DOK5: variants seen among roughly 807,000 people sequenced by gnomAD.
DOK5 encodes the protein downstream of tyrosine kinase 5.
Under a neutral mutation model 43.3 loss-of-function variants are expected in DOK5, and 27 were observed. The observed-to-expected ratio is 0.62, with a 90% CI of 0.46 to 0.86. DOK5 has a LOEUF of 0.86. Ranked by LOEUF, DOK5 falls within the 40% of genes least tolerant of loss-of-function variation. The pLI, the probability that DOK5 is intolerant of heterozygous loss-of-function variation, is 0.00. For synonymous variants in DOK5, 146 were observed against 140.1 expected (o/e 1.04, Z -0.30); for missense variants, 373 against 392.9 (o/e 0.95, Z 0.43).
chr20:54,643,216 T>A (rs1979208374), intron 6 of DOK5, among the ~76,000 whole-genome samples: 1 of 152,064 alleles, frequency 6.6e-6, no homozygotes, highest in Non-Finnish European at 1.5e-5. Flanking sequence ...TTAGCTGGGT[T>A]GGAGGGAAGT....
At chr20:54,649,962 CTGTT>C (rs534475574) in intron 7 of DOK5, among the ~76,000 whole-genome samples, 2 of 152,324 alleles carry the variant, frequency 1.3e-5, no homozygotes, top group East Asian at 3.9e-4. Context: ...TTTTTAAACT[CTGTT>C]TGGTCTGAAA....
chr20:54,478,657 T>G (rs895961042), intron 1 of DOK5, among the ~76,000 whole-genome samples: 3 of 152,212 alleles, frequency 2.0e-5, no homozygotes, highest in African/African-American at 4.8e-5. Context: ...TTCTTCAGAT[T>G]TGGAGAAAGA....
At chr20:54,511,201 G>A (rs1462902270) in intron 1 of DOK5, among the ~76,000 whole-genome samples, 1 of 152,154 alleles carries the variant, frequency 6.6e-6, no homozygotes, top group East Asian at 1.9e-4. Flanking sequence ...TGGGCAAGTG[G>A]ACTAACTCCT....
At chr20:54,580,603 G>T (rs570502956) in intron 2 of DOK5, among the ~76,000 whole-genome samples, 107 of 152,158 alleles carry the variant, frequency 7.0e-4, no homozygotes, top group Non-Finnish European at 1.3e-3. Context: ...GCCTTTTTCT[G>T]ATGATTAGTG....
intron 4 of DOK5, among the ~76,000 whole-genome samples, chr20:54,589,339 T>A (rs752045623): frequency 6.6e-6 from 1 of 152,216 alleles, no homozygotes; most frequent in Non-Finnish European, 1.5e-5. Context: ...ATGTTTTCAA[T>A]ATAATTCAAA....
intron 1 of DOK5, among the ~76,000 whole-genome samples, chr20:54,492,741 C>A (rs1466037473): frequency 2.0e-5 from 3 of 149,082 alleles, no homozygotes; most frequent in Non-Finnish European, 3.0e-5. Context: ...TCAGAGGTAA[C>A]AGAGAGAACA....
At chr20:54,624,860 T>C (rs766007390) in intron 6 of DOK5, among the ~76,000 whole-genome samples, 3 of 152,190 alleles carry the variant, frequency 2.0e-5, no homozygotes, top group Non-Finnish European at 4.4e-5. Context: ...AAATGGTTGA[T>C]TTCACTAACA....
chr20:54,501,990 T>G (rs1438935757), intron 1 of DOK5, among the ~76,000 whole-genome samples: 1 of 152,248 alleles, frequency 6.6e-6, no homozygotes, highest in Non-Finnish European at 1.5e-5. Context: ...TTGTGGCTTA[T>G]GCTCTTTATC....
At chr20:54,611,850 A>G (rs1305899758) in intron 6 of DOK5, among the ~76,000 whole-genome samples, 1 of 152,212 alleles carries the variant, frequency 6.6e-6, no homozygotes, top group Non-Finnish European at 1.5e-5. Flanking sequence ...ATCTGTTCCA[A>G]CACAGCCCCG....
intron 7 of DOK5, among the ~76,000 whole-genome samples, chr20:54,648,910 C>G (rs1337200986): frequency 6.6e-6 from 1 of 152,186 alleles, no homozygotes; most frequent in Non-Finnish European, 1.5e-5. Context: ...GCAATCTTTA[C>G]CCTTAGGCCA....
At chr20:54,625,571 A>G (rs1485884302) in intron 6 of DOK5, among the ~76,000 whole-genome samples, 1 of 152,192 alleles carries the variant, frequency 6.6e-6, no homozygotes, top group Non-Finnish European at 1.5e-5. Context: ...GCCAGGTCCT[A>G]TATCCTGGCT....
intron 1 of DOK5, among the ~76,000 whole-genome samples, chr20:54,529,245 A>T (rs191878972): frequency 2.0e-5 from 3 of 152,306 alleles, no homozygotes; most frequent in Admixed American, 6.5e-5. Flanking sequence ...AAATATATGG[A>T]ATGCTTTCTT....
chr20:54,581,582 T>C (rs1229665681), intron 2 of DOK5, among the ~76,000 whole-genome samples: 1 of 152,020 alleles, frequency 6.6e-6, no homozygotes, highest in Non-Finnish European at 1.5e-5. Flanking sequence ...TTTCTAGTTT[T>C]CAGTGTACAA....
At position 54,563,462 on chromosome 20, in the gene DOK5, CTCTT is replaced by C. The variant is rs1984980751; in HGVS notation, c.174+8427_174+8430del. On this transcript the variant is annotated intron_variant, in intron 2 of 7. Coordinates refer to ENST00000262593, the MANE Select transcript of DOK5 (RefSeq NM_018431.5). Reference sequence around the variant, plus strand: ...TGGCTCATTTATGTAATCTCATCAACTCTTTCTTCTTCCTTACAAATTGTGACAA... The same window carrying C: ...TGGCTCATTTATGTAATCTCATCAACTCTTCTTCCTTACAAATTGTGACAA... Among the ~76,000 whole-genome samples, 5 of 152,254 alleles carry C rather than the reference CTCTT, an allele frequency of 3.3e-5. No individual in the cohort carries two copies. In the South Asian group the frequency reaches 1.0e-3, roughly 32 times the overall value.
chr20:54,550,706 GT>G (rs1178656310), intron 1 of DOK5, among the ~76,000 whole-genome samples: 11 of 151,592 alleles, frequency 7.3e-5, no homozygotes, highest in African/African-American at 2.7e-4. Context: ...TATCCAAGTT[GT>G]TGCAGATATT....
In DOK5 at chr20:54,600,819, A is replaced by G. The variant is rs1284281240; in HGVS notation, c.599+9014A>G. On this transcript the variant is annotated intron_variant, in intron 5 of 7. Transcript: ENST00000262593. ...GCTCAAGTTTTCCAGGCAGGCAAAC[A>G]TTACCTTGCAGGAGATCCTAGCAAA... 3.3e-5 allele frequency among the ~76,000 whole-genome samples: 5 copies of G among 152,352 alleles called. No homozygotes were observed. In the East Asian group the frequency reaches 9.7e-4, roughly 29 times the overall value.
In DOK5 at chr20:54,613,223, CCTCT is replaced by C. The variant is rs11470894; in HGVS notation, c.735+2712_735+2715del. On this transcript the variant is annotated intron_variant, in intron 6 of 7. Coordinates refer to ENST00000262593, the MANE Select transcript of DOK5 (RefSeq NM_018431.5). ...CTCTCTCTCTCTCTCTCTCTCGTCA[CCTCT>C]CTCTCTCTCTCGCCATCTCTCTCTC... Among the ~76,000 whole-genome samples the C allele has an allele frequency of 1.1e-4, 17 of 149,168 alleles. 1 individual carries two copies. Among genetic ancestry groups the C allele is most frequent in the Middle Eastern group, 3.4e-3 (1 of 292 alleles).
chr20:54,645,237 A>G (rs114167976), intron 7 of DOK5, among the ~76,000 whole-genome samples: 400 of 142,424 alleles, frequency 2.8e-3, no homozygotes, highest in African/African-American at 9.8e-3. Flanking sequence ...CTATGGCCTT[A>G]GTCCTCCATG....
At position 54,619,912 on chromosome 20, in the gene DOK5, C is replaced by T. The variant is rs150707134; in HGVS notation, c.735+9389C>T. 3.3e-3 allele frequency among the ~76,000 whole-genome samples: 508 copies of T among 152,290 alleles called. 3 individuals are homozygous for T. The highest frequency in any genetic ancestry group is 0.011 in the African/African-American group (474 of 41,564). ...CTATTCAGACACTAAAGTAGACCCT[C>T]GCATGGTGGAGTTTTATGTGTGTAA... On this transcript the variant is annotated intron_variant, in intron 6 of 7. Transcript: ENST00000262593.
Sources: gnomAD v4.1 joint callset for allele counts (sites outside exome capture counted in the v4.1 genomes callset) on GRCh38, gnomAD v4.1.1 for gene constraint, MANE v1.5 for transcripts, NCBI Gene and HGNC (gene_info 2026-07-23, HGNC 2026-07-21) for gene names.